Variants in NCOA1 observed in about 807,000 individuals in gnomAD.
The protein encoded by NCOA1 is nuclear receptor coactivator 1, also known as Hin-2 protein.
In NCOA1, 35 loss-of-function variants were observed where a neutral mutation model predicts 150.9. The ratio of observed to expected loss-of-function variants is 0.23; its 90% CI spans 0.18 to 0.31. The LOEUF is 0.31. NCOA1 is among the 10% of genes least tolerant of loss of function. The pLI is 1.00. For missense variants in NCOA1, 1,491 were observed against 1,749.3 expected (o/e 0.85, Z 2.63); for synonymous variants, 590 against 630.0 (o/e 0.94, Z 0.95).
chr2:24,745,546 T>C (rs185440229), intron 19 of NCOA1, among the ~76,000 whole-genome samples: 9 of 152,342 alleles, frequency 5.9e-5, no homozygotes, highest in Admixed American at 5.9e-4. Flanking sequence ...CATGGGTTCC[T>C]TCAAGCCCAT....
intron 3 of NCOA1, among the ~76,000 whole-genome samples, chr2:24,620,441 TA>T (rs1669085995): frequency 6.6e-6 from 1 of 152,094 alleles, no homozygotes; most frequent in Admixed American, 6.5e-5. Flanking sequence ...CCGTCTCTAC[TA>T]AAAATACAAA....
rs537982492 is a variant in NCOA1, at chr2:24,718,669, T to TA, written c.2599+7567dup. Among the ~76,000 whole-genome samples the TA allele has an allele frequency of 4.6e-3, 584 of 127,362 alleles. 2 individuals are homozygous for TA. Among genetic ancestry groups the TA allele is most frequent in the Middle Eastern group, 0.012 (3 of 244 alleles). 83.6% of individuals were successfully genotyped at this position (127,362 alleles called of 152,430 possible). On this transcript the variant is annotated intron_variant, in intron 14 of 22. Transcript: ENST00000348332. ...CAACATGGTGAAACTCCATCTCTAC[T>TA]AAAAAAAAATACAAAACTAGGCTAA...
At chr2:24,636,481 C>T (rs1249829760) in intron 3 of NCOA1, among the ~76,000 whole-genome samples, 1 of 152,136 alleles carries the variant, frequency 6.6e-6, no homozygotes, top group Non-Finnish European at 1.5e-5. Context: ...GTATATTCAC[C>T]TTGCCAAATT....
At chr2:24,567,192 A>G (rs1031011262) in intron 2 of NCOA1, among the ~76,000 whole-genome samples, 2 of 152,268 alleles carry the variant, frequency 1.3e-5, no homozygotes, top group Admixed American at 6.5e-5. Context: ...CAAGTAGCAG[A>G]TGAAAAAGAG....
Position 24,640,405 on chromosome 2 carries a change from A to G in NCOA1, c.-174-3561A>G, listed in dbSNP as rs184493664. On this transcript the variant is annotated intron_variant, in intron 3 of 22. Coordinates refer to ENST00000348332, the MANE Select transcript of NCOA1 (RefSeq NM_003743.5). ...TAAAAATCTAGTTGTTTTATCTATTATTGAGAGAGGAATGTTAAAATCTTC... is the reference window on the plus strand; with the variant it reads ...TAAAAATCTAGTTGTTTTATCTATTGTTGAGAGAGGAATGTTAAAATCTTC... Among the ~76,000 whole-genome samples, 166 of 152,262 alleles carry G rather than the reference A, an allele frequency of 1.1e-3. 5 individuals carry two copies. The East Asian group carries it at 0.029, about 27-fold the overall frequency.
At chr2:24,615,536 G>GT (rs2148395836) in intron 3 of NCOA1, among the ~76,000 whole-genome samples, 1 of 152,270 alleles carries the variant, frequency 6.6e-6, no homozygotes, top group East Asian at 1.9e-4. Context: ...AGTCTAGGAC[G>GT]TTGTTGATGG....
At chr2:24,660,483 G>C (rs750734309) in intron 5 of NCOA1, among the ~76,000 whole-genome samples, 57 of 151,420 alleles carry the variant, frequency 3.8e-4, no homozygotes, top group Non-Finnish European at 3.7e-4. Flanking sequence ...TACACACACA[G>C]GTATCTGAGC....
chr2:24,506,806 C>T (rs1055444100), intron 1 of NCOA1, among the ~76,000 whole-genome samples: 1 of 152,114 alleles, frequency 6.6e-6, no homozygotes, highest in Non-Finnish European at 1.5e-5. Context: ...AAAACACTTT[C>T]AATCCATTGC....
At chr2:24,672,955 A>G (rs914847427) in intron 6 of NCOA1, among the ~76,000 whole-genome samples, 1 of 152,242 alleles carries the variant, frequency 6.6e-6, no homozygotes, top group Non-Finnish European at 1.5e-5. Context: ...AGGAAAAATC[A>G]TATTTTCATT....
chr2:24,557,722 AC>A (rs1666130357), intron 1 of NCOA1, among the ~76,000 whole-genome samples: 1 of 152,120 alleles, frequency 6.6e-6, no homozygotes, highest in Non-Finnish European at 1.5e-5. Context: ...TGAATTCTAT[AC>A]ATAGAACTGA....
intron 21 of NCOA1, 77 bp from the exon 22 acceptor site, chr2:24,762,610 A>T: frequency 8.0e-7 from 1 of 1,255,972 alleles, no homozygotes; most frequent in Non-Finnish European, 1.2e-6. Flanking sequence ...TGTCAGTGAG[A>T]TTGTTTTTCA....
At chr2:24,514,360 TCA>T in intron 1 of NCOA1, among the ~76,000 whole-genome samples, 1 of 146,240 alleles carries the variant, frequency 6.8e-6, no homozygotes, top group Admixed American at 6.8e-5. Flanking sequence ...TATCTCTGAG[TCA>T]CATAAGCATT....
intron 14 of NCOA1, among the ~76,000 whole-genome samples, chr2:24,717,672 A>G (rs1674117736): frequency 6.6e-6 from 1 of 152,198 alleles, no homozygotes; most frequent in South Asian, 2.1e-4. Context: ...GTATTGGTCA[A>G]AATATCAAAA....
At chr2:24,600,241 C>T (rs536305687) in intron 3 of NCOA1, among the ~76,000 whole-genome samples, 3 of 152,008 alleles carry the variant, frequency 2.0e-5, no homozygotes, top group African/African-American at 2.4e-5. Context: ...CTGGCTCTGT[C>T]GCCCAGGCTG....
At chr2:24,767,068 G>A (rs1024928796) in intron 22 of NCOA1, among the ~76,000 whole-genome samples, 4 of 152,066 alleles carry the variant, frequency 2.6e-5, no homozygotes, top group Non-Finnish European at 5.9e-5. Flanking sequence ...AGATATAAAC[G>A]GATTAAGAGG....
At position 24,741,780 on chromosome 2, in the gene NCOA1, TC is replaced by T. The variant is rs1468012695; in HGVS notation, c.3304-3del. The T allele has an allele frequency of 6.3e-7, 1 of 1,599,548 alleles. No individual in the cohort carries two copies. Among genetic ancestry groups the T allele is most frequent in the African/African-American group, 1.3e-5 (1 of 74,226 alleles). On this transcript the variant is annotated splice_region_variant and splice_polypyrimidine_tract_variant and intron_variant, in intron 18 of 22. Coordinates refer to ENST00000348332, the MANE Select transcript of NCOA1 (RefSeq NM_003743.5). Reference sequence around the variant, plus strand: ...TAGTAAGTGAGTTTTTTCCTGCTTTTCAGCCACCCCTGAATGCTCAAATGTT... The same window carrying T: ...TAGTAAGTGAGTTTTTTCCTGCTTTTAGCCACCCCTGAATGCTCAAATGTT...
At chr2:24,542,340 G>C (rs1202391756) in intron 1 of NCOA1, among the ~76,000 whole-genome samples, 1 of 152,064 alleles carries the variant, frequency 6.6e-6, no homozygotes, top group Non-Finnish European at 1.5e-5. Context: ...TATTCAAAGG[G>C]GGGAACCAAA....
At chr2:24,657,309 T>C (rs545314202) in intron 4 of NCOA1, among the ~76,000 whole-genome samples, 1 of 152,318 alleles carries the variant, frequency 6.6e-6, no homozygotes, top group Admixed American at 6.5e-5. Context: ...TGCATTAATC[T>C]ACAATTAGGT....
chr2:24,523,700 G>T (rs1204876658), intron 1 of NCOA1, among the ~76,000 whole-genome samples: 1 of 146,750 alleles, frequency 6.8e-6, no homozygotes, highest in Non-Finnish European at 1.5e-5. Flanking sequence ...GGCCGAGGTG[G>T]GCGGATCATG....
Sources: allele counts gnomAD v4.1 joint callset (sites outside exome capture counted in the v4.1 genomes callset), GRCh38; gene constraint gnomAD v4.1.1; transcripts MANE v1.5; gene names NCBI Gene and HGNC (gene_info 2026-07-23, HGNC 2026-07-21).